Variants in ASCC2 observed in about 807,000 individuals in gnomAD.
ASCC2 encodes the protein ASC-1 complex subunit P100.
ASCC2 carries 42 observed loss-of-function variants against 93.5 expected under a neutral mutation model. That is an observed-to-expected ratio of 0.45 (90% CI 0.35 to 0.58). The LOEUF (loss-of-function observed/expected upper bound fraction) is 0.58. Ranked by LOEUF, ASCC2 falls within the 20% of genes least tolerant of loss-of-function variation. ASCC2 has a pLI of 0.00. For missense variants in ASCC2, 859 were observed against 977.6 expected (o/e 0.88, Z 1.62); for synonymous variants, 364 against 384.2 (o/e 0.95, Z 0.62).
chr22:29,810,751 G>C (rs78242564), intron 8 of ASCC2, among the ~76,000 whole-genome samples: 1 of 134,428 alleles, frequency 7.4e-6, no homozygotes. Context: ...TTTTTTTTTT[G>C]AGACAGTCTC....
intron 12 of ASCC2, among the ~76,000 whole-genome samples, chr22:29,805,903 C>T (rs922019520): frequency 1.3e-5 from 2 of 151,880 alleles, no homozygotes; most frequent in African/African-American, 4.8e-5. Context: ...GACACTCTAT[C>T]TAACTGCCTG....
At chr22:29,795,125 C>A (rs954056201) in intron 15 of ASCC2, among the ~76,000 whole-genome samples, 1 of 151,942 alleles carries the variant, frequency 6.6e-6, no homozygotes, top group African/African-American at 2.4e-5. Flanking sequence ...GGGGTATCTG[C>A]CATGTTGGTC....
At chr22:29,830,712 C>A (rs778052491) in intron 2 of ASCC2, among the ~76,000 whole-genome samples, 1 of 152,226 alleles carries the variant, frequency 6.6e-6, no homozygotes, top group African/African-American at 2.4e-5. Flanking sequence ...TCTCTTAGGT[C>A]GTGGGCTCTT....
At chr22:29,838,098 G>A (rs997798409) in intron 1 of ASCC2, 80 bp downstream of exon 1, 1 of 452,978 alleles carries the variant, frequency 2.2e-6, no homozygotes, top group Admixed American at 2.4e-5. Flanking sequence ...GGATGGGAGA[G>A]CCAAGGCTGC....
chr22:29,796,114 C>CTTT (rs796176155), intron 15 of ASCC2, among the ~76,000 whole-genome samples: 1 of 144,428 alleles, frequency 6.9e-6, no homozygotes, highest in Non-Finnish European at 1.5e-5. Flanking sequence ...CCCTTCACAT[C>CTTT]TTTTTTTTTT....
chr22:29,809,269 A>T lies in ASCC2; in HGVS notation c.834-1084T>A, dbSNP rs1000816214. Among the ~76,000 whole-genome samples the T allele has an allele frequency of 2.2e-4, 33 of 152,122 alleles. 1 individual carries two copies. Among genetic ancestry groups the T allele is most frequent in the East Asian group, 1.9e-4 (1 of 5,188 alleles). ...TAAAATAAAAAATAATAATTAAAAAATTTAAGAAAAAAGTAAATGTATCAT... is the reference window on the plus strand; with the variant it reads ...TAAAATAAAAAATAATAATTAAAAATTTTAAGAAAAAAGTAAATGTATCAT... On this transcript the variant is annotated intron_variant, in intron 8 of 19. Transcript: ENST00000307790.
At chr22:29,823,697 A>T (rs2061889997) in intron 4 of ASCC2, among the ~76,000 whole-genome samples, 1 of 152,162 alleles carries the variant, frequency 6.6e-6, no homozygotes, top group Non-Finnish European at 1.5e-5. Context: ...AAAATACAAA[A>T]ATTAGCTGGG....
intron 19 of ASCC2, 58 bp downstream of exon 19, chr22:29,790,411 T>G (rs2068860344): frequency 3.8e-6 from 6 of 1,587,330 alleles, no homozygotes; most frequent in Non-Finnish European, 5.2e-6. Context: ...GGTGGCTGGC[T>G]AGGCCCTCCC....
At chr22:29,791,336 C>T (rs927953597) in intron 18 of ASCC2, among the ~76,000 whole-genome samples, 1 of 152,102 alleles carries the variant, frequency 6.6e-6, no homozygotes. Context: ...ATGACTGCAC[C>T]ACTGCACCCC....
chr22:29,821,217 G>T (rs1004478804), intron 5 of ASCC2, among the ~76,000 whole-genome samples: 2 of 152,070 alleles, frequency 1.3e-5, no homozygotes, highest in African/African-American at 4.8e-5. Flanking sequence ...GCTTGTTTTT[G>T]ATCAAACCTT....
chr22:29,793,252 T>C lies in ASCC2; in HGVS notation c.1919+108A>G, dbSNP rs1041086764. ...GCACTGGATTAGGAGTCAGGAGGAC[T>C]GGGTTTGGGCCCTGGATCTGCCACA... On this transcript the variant is annotated intron_variant, in intron 17 of 19. Transcript: ENST00000307790. 7 of 1,486,704 alleles carry C rather than the reference T, an allele frequency of 4.7e-6. No individual in the cohort carries two copies. The South Asian group carries it at 7.3e-5, about 16-fold the overall frequency. 92.1% of individuals were successfully genotyped at this position (1,486,704 alleles called of 1,614,324 possible). A position where few individuals can be genotyped will look rare whatever the true frequency, so the allele number is the denominator to read the frequency against.
intron 5 of ASCC2, among the ~76,000 whole-genome samples, chr22:29,820,993 C>A (rs6006267): frequency 0.46 from 69,506 of 151,038 alleles, 16,402 homozygotes; most frequent in East Asian, 0.66. Flanking sequence ...CTAGGTATTT[C>A]GAAGACTGTG....
chr22:29,814,201 C>T (rs190323349), intron 7 of ASCC2, among the ~76,000 whole-genome samples: 3 of 152,326 alleles, frequency 2.0e-5, no homozygotes, highest in Admixed American at 1.3e-4. Flanking sequence ...TTGAGGCTTC[C>T]TGAATGTTTG....
chr22:29,789,270 C>T, intron 19 of ASCC2, 86 bp from the exon 20 acceptor site: 1 of 1,511,080 alleles, frequency 6.6e-7, no homozygotes, highest in Non-Finnish European at 9.1e-7. Context: ...TTGGTGTTCA[C>T]TGGGAGAGGA....
chr22:29,792,632 A>G, intron 17 of ASCC2, 97 bp from the exon 18 acceptor site: 1 of 1,485,750 alleles, frequency 6.7e-7, no homozygotes, highest in Non-Finnish European at 9.1e-7. Flanking sequence ...TGGGGCCGCC[A>G]GGAGGGCTCA....
chr22:29,825,308 G>T lies in ASCC2; in HGVS notation c.241-51C>A. On this transcript the variant is annotated intron_variant, in intron 3 of 19. Coordinates refer to ENST00000307790, the MANE Select transcript of ASCC2 (RefSeq NM_032204.5). This position sits in a 1 kb window ranked among gnomAD's most constrained non-coding sequence, Gnocchi z 4.9. ...AGGATTTATCCCTTAGGCCCCAGGG[G>T]CTTGTGGGTGGACTGTGCAGGGACT... The T allele has an allele frequency of 6.7e-7, 1 of 1,497,502 alleles. No homozygotes were observed. The highest frequency in any genetic ancestry group is 8.9e-7 in the Non-Finnish European group (1 of 1,119,926). 92.8% of individuals were successfully genotyped at this position (1,497,502 alleles called of 1,614,324 possible).
intron 5 of ASCC2, among the ~76,000 whole-genome samples, chr22:29,819,428 C>T (rs1165279912): frequency 1.3e-5 from 2 of 152,194 alleles, no homozygotes; most frequent in Non-Finnish European, 2.9e-5. Flanking sequence ...TCCCAAAATG[C>T]TGGAATTACA....
At chr22:29,794,510 A>AAT (rs1360337101) in intron 15 of ASCC2, among the ~76,000 whole-genome samples, 1 of 152,044 alleles carries the variant, frequency 6.6e-6, no homozygotes, top group Non-Finnish European at 1.5e-5. Flanking sequence ...TAAATAAATA[A>AAT]AAAAGGTAAA....
At chr22:29,815,338 A>C (rs927758190) in intron 6 of ASCC2, 4 of 153,022 alleles carry the variant, frequency 2.6e-5, no homozygotes, top group Non-Finnish European at 5.8e-5. Context: ...AATCCTGTAG[A>C]TATTATCTGA....
Sources: gnomAD v4.1 joint callset for allele counts (sites outside exome capture counted in the v4.1 genomes callset) on GRCh38, gnomAD v4.1.1 for gene constraint, Gnocchi (gnomAD v3.1) non-coding constraint, MANE v1.5 for transcripts, NCBI Gene and HGNC (gene_info 2026-07-23, HGNC 2026-07-21) for gene names.